Variants in CRLF1 observed in about 807,000 individuals in gnomAD.
CRLF1 encodes cytokine receptor like factor 1, also known as cytokine receptor-like factor 1.
CRLF1 carries 36 observed loss-of-function variants against 48.9 expected under a neutral mutation model. The observed-to-expected ratio is 0.74, with a 90% CI of 0.56 to 0.97. The LOEUF (loss-of-function observed/expected upper bound fraction) is 0.97. Among genes scored for constraint, CRLF1 ranks in the 50% least tolerant of loss-of-function variants. The probability of loss-of-function intolerance (pLI) is 0.00; values close to 1 mark genes in which losing one functional copy is unlikely to be tolerated. For missense variants in CRLF1, 534 were observed against 575.1 expected (o/e 0.93, Z 0.73); for synonymous variants, 256 against 253.4 (o/e 1.01, Z -0.10).
chr19:18,594,199 C>G, intron 7 of CRLF1, 48 bp downstream of exon 7: 1 of 1,610,054 alleles, frequency 6.2e-7, no homozygotes, highest in Non-Finnish European at 8.5e-7. Flanking sequence ...TCTGGGCCCC[C>G]CCAGCTCCCT....
intron 1 of CRLF1, among the ~76,000 whole-genome samples, chr19:18,601,889 C>G (rs974918681): frequency 6.6e-6 from 1 of 152,198 alleles, no homozygotes; most frequent in African/African-American, 2.4e-5. Flanking sequence ...CTCCAAAGTT[C>G]TGTTCCACAC....
At chr19:18,598,694 G>A in intron 3 of CRLF1, 78 bp downstream of exon 3, 3 of 1,613,710 alleles carry the variant, frequency 1.9e-6, no homozygotes, top group Admixed American at 1.7e-5. Context: ...AACACATGGG[G>A]GCTCAGAGAG....
chr19:18,603,623 G>A (rs1460420534), intron 1 of CRLF1, among the ~76,000 whole-genome samples: 1 of 152,238 alleles, frequency 6.6e-6, no homozygotes, highest in Non-Finnish European at 1.5e-5. Flanking sequence ...CCAAGGACAG[G>A]GTGATCCTGG....
At chr19:18,597,359 A>T (rs1285129369) in intron 4 of CRLF1, among the ~76,000 whole-genome samples, 3 of 151,584 alleles carry the variant, frequency 2.0e-5, no homozygotes, top group African/African-American at 4.9e-5. Flanking sequence ...TTAGGAGGCC[A>T]GGGGCTGTCA....
chr19:18,598,173 C>T (rs896583935), intron 4 of CRLF1, among the ~76,000 whole-genome samples: 1 of 152,148 alleles, frequency 6.6e-6, no homozygotes, highest in Non-Finnish European at 1.5e-5. Flanking sequence ...CCTGGGCTGC[C>T]GAGGGGGTGG....
chr19:18,602,344 C>T (rs908127927), intron 1 of CRLF1, among the ~76,000 whole-genome samples: 1 of 152,210 alleles, frequency 6.6e-6, no homozygotes, highest in African/African-American at 2.4e-5. Flanking sequence ...TGCGGTGGCT[C>T]ATGCCTGTAA....
In CRLF1 at chr19:18,605,282, C is replaced by T. The variant is rs551124554; in HGVS notation, c.115+1260G>A. Among the ~76,000 whole-genome samples the T allele has an allele frequency of 3.6e-4, 55 of 152,276 alleles. No homozygotes were observed. In the East Asian group the frequency reaches 0.01, roughly 28 times the overall value. Reference sequence around the variant, plus strand: ...GGGAGGGCCCGAGGTAGCCCCTCACCTGAAAGCCAGGGGAGAGCCAGGCTT... The same window carrying T: ...GGGAGGGCCCGAGGTAGCCCCTCACTTGAAAGCCAGGGGAGAGCCAGGCTT... On this transcript the variant is annotated intron_variant, in intron 1 of 8. Coordinates refer to ENST00000392386, the MANE Select transcript of CRLF1 (RefSeq NM_004750.5).
At chr19:18,593,962 T>C in intron 8 of CRLF1, 103 bp downstream of exon 8, 3 of 1,507,720 alleles carry the variant, frequency 2.0e-6, no homozygotes, top group Non-Finnish European at 2.7e-6. Context: ...TCAGCGACTC[T>C]AAGGCTGGGG....
In CRLF1 at chr19:18,606,690, G is replaced by T. The variant is rs1173419337; in HGVS notation, c.-34C>A. On this transcript the variant is annotated 5_prime_UTR_variant, in exon 1 of 9. Transcript: ENST00000392386. This position sits in a 1 kb window ranked among gnomAD's most constrained non-coding sequence, Gnocchi z 4.8. ...CGCTGCCGGGGGCGCGCGGCGGGCT[G>T]CGGCTCGGCGGCGGTGGCGCAGGGC... The T allele has an allele frequency of 2.4e-6, 1 of 409,258 alleles. No individual in the cohort carries two copies. The highest frequency in any genetic ancestry group is 3.3e-6 in the Non-Finnish European group (1 of 307,224). The allele number at this position is 409,258 out of a possible 1,614,324, so 25.4% of individuals were successfully genotyped here.
intron 1 of CRLF1, among the ~76,000 whole-genome samples, chr19:18,603,932 C>A (rs1284598903): frequency 6.6e-6 from 1 of 152,014 alleles, no homozygotes; most frequent in Admixed American, 6.5e-5. Flanking sequence ...CCCTGGAGGT[C>A]CCAGGCAGCC....
At chr19:18,595,092 T>C (rs1456625836) in intron 6 of CRLF1, among the ~76,000 whole-genome samples, 1 of 152,146 alleles carries the variant, frequency 6.6e-6, no homozygotes, top group Non-Finnish European at 1.5e-5. Flanking sequence ...TCGGTCCAGC[T>C]GCCGGCTGCA....
At chr19:18,604,156 T>C (rs1293105901) in intron 1 of CRLF1, among the ~76,000 whole-genome samples, 1 of 151,978 alleles carries the variant, frequency 6.6e-6, no homozygotes, top group Non-Finnish European at 1.5e-5. Context: ...AGGAAGGGGC[T>C]CTCTGGGGGG....
At chr19:18,596,564 A>G in intron 6 of CRLF1, 58 bp downstream of exon 6, 1 of 1,564,774 alleles carries the variant, frequency 6.4e-7, no homozygotes, top group Admixed American at 1.9e-5. Context: ...AAGGAAACAG[A>G]GGCTCTAGCT....
rs202030926 is a variant in CRLF1, at chr19:18,599,709, G to A, written c.253C>T (p.Pro85Ser). The A allele has an allele frequency of 4.2e-5, 68 of 1,610,434 alleles. No homozygotes were observed. The East Asian group carries it at 1.5e-3, about 36-fold the overall frequency. ...YWTLNGRRLP[P>S]ELSRVLNAST... ...GCGTTGAGTACACGGGAGAGCTCAG[G>A]GGGCAGGCGGCGCCCGTTGAGGGTC... Residue 85 changes from proline (P) to serine (S), a missense_variant, in exon 2 of 9, where the codon CCT becomes TCT. Transcript: ENST00000392386.
intron 1 of CRLF1, among the ~76,000 whole-genome samples, chr19:18,603,798 C>T (rs1976250141): frequency 6.6e-6 from 1 of 150,818 alleles, no homozygotes; most frequent in Non-Finnish European, 1.5e-5. Context: ...CGCAGTTGCG[C>T]TTGGGGCTTG....
rs1388142030 is a variant in CRLF1 at position 18,598,916 on chromosome 19, G to A, written c.398-15C>T. 24 of 1,613,462 alleles carry A rather than the reference G, an allele frequency of 1.5e-5. No homozygotes were observed. Among genetic ancestry groups the A allele is most frequent in the Non-Finnish European group, 1.9e-5 (23 of 1,179,864 alleles). On this transcript the variant is annotated splice_polypyrimidine_tract_variant and intron_variant, in intron 2 of 8. Coordinates refer to ENST00000392386, the MANE Select transcript of CRLF1 (RefSeq NM_004750.5). Reference sequence around the variant, plus strand: ...CTCTGGGGGCACTGGGAGAAGGGGAGGGTGCAGGAAGCAGGCTGAGGGTCT... The same window carrying A: ...CTCTGGGGGCACTGGGAGAAGGGGAAGGTGCAGGAAGCAGGCTGAGGGTCT...
At chr19:18,601,376 A>G (rs1976219421) in intron 1 of CRLF1, among the ~76,000 whole-genome samples, 1 of 151,888 alleles carries the variant, frequency 6.6e-6, no homozygotes, top group Non-Finnish European at 1.5e-5. Context: ...TCCCAGGTTC[A>G]AGTGATTCTC....
At chr19:18,597,881 G>A (rs1423440788) in intron 4 of CRLF1, among the ~76,000 whole-genome samples, 1 of 152,030 alleles carries the variant, frequency 6.6e-6, no homozygotes, top group Admixed American at 6.6e-5. Context: ...CAACCCAGGC[G>A]TATGTGTGTG....
intron 4 of CRLF1, 137 bp from the exon 5 acceptor site, chr19:18,597,186 A>G (rs1420870159): frequency 2.8e-5 from 23 of 830,066 alleles, no homozygotes; most frequent in Non-Finnish European, 3.8e-5. Flanking sequence ...CACCCCCAGG[A>G]CTGGTGGATT....
Sources: gnomAD v4.1 joint callset for allele counts (sites outside exome capture counted in the v4.1 genomes callset) on GRCh38, gnomAD v4.1.1 for gene constraint, Gnocchi (gnomAD v3.1) non-coding constraint, MANE v1.5 for transcripts, NCBI Gene and HGNC (gene_info 2026-07-23, HGNC 2026-07-21) for gene names.